Variants in AGBL1 observed in about 807,000 individuals in gnomAD.
AGBL1 encodes AGBL carboxypeptidase 1.
A neutral mutation model predicts 118.9 loss-of-function variants in AGBL1; 130 were observed. That is an observed-to-expected ratio of 1.09 (90% CI 0.95 to 1.26). The LOEUF (loss-of-function observed/expected upper bound fraction) is 1.26. Among genes scored for constraint, AGBL1 ranks in the 50% most tolerant of loss-of-function variants. The pLI is 0.00. For synonymous variants in AGBL1, 555 were observed against 478.9 expected (o/e 1.16, Z -2.08); for missense variants, 1,584 against 1,298.1 (o/e 1.22, Z -3.38).
rs771632108 is a variant in AGBL1, at chr15:86,674,285, G to A, written c.3007G>A (p.Gly1003Ser). 2 of 1,610,828 alleles carry A rather than the reference G, an allele frequency of 1.2e-6. No homozygotes were observed. Among genetic ancestry groups the A allele is most frequent in the Non-Finnish European group, 1.7e-6 (2 of 1,178,340 alleles). ...NQGPYQGLQF[G>S]TRELEEMGAM... The stretch of plus-strand genomic sequence containing the variant: ...GTTTAACTGGCAGGGTCTACAGTTT[G>A]GTACCAGAGAACTGGAGGAGATGGG... Residue 1003 changes from glycine to serine, a missense_variant, in exon 22 of 23, where the codon GGT becomes AGT. By Grantham distance (56) the Gly-to-Ser change is moderately conservative. Coordinates refer to ENST00000614907, the MANE Select transcript of AGBL1 (RefSeq NM_001386094.1).
chr15:87,004,355 T>C (rs1161038315), intron 24 of AGBL1, among the ~76,000 whole-genome samples: 1 of 152,200 alleles, frequency 6.6e-6, no homozygotes, highest in East Asian at 1.9e-4. Context: ...GGACTTTCTT[T>C]ATGAATCTGC....
intron 5 of AGBL1, among the ~76,000 whole-genome samples, chr15:86,187,139 C>A (rs1007565842): frequency 2.6e-5 from 4 of 152,170 alleles, no homozygotes; most frequent in African/African-American, 7.2e-5. Flanking sequence ...CCAACACACA[C>A]CCCCATCCAC....
At chr15:86,853,350 G>C (rs932155344) in intron 22 of AGBL1, among the ~76,000 whole-genome samples, 1 of 152,144 alleles carries the variant, frequency 6.6e-6, no homozygotes, top group Non-Finnish European at 1.5e-5. Context: ...GCAGTAGAGA[G>C]CTAATTACCT....
chr15:86,687,533 G>T, intron 22 of AGBL1, among the ~76,000 whole-genome samples: 1 of 152,160 alleles, frequency 6.6e-6, no homozygotes, highest in Admixed American at 6.6e-5. Flanking sequence ...AGGATAGGAT[G>T]ATTATATGGC....
chr15:86,138,035 C>G (rs1478260835), intron 1 of AGBL1, among the ~76,000 whole-genome samples: 1 of 152,110 alleles, frequency 6.6e-6, no homozygotes, highest in East Asian at 1.9e-4. Context: ...GCAGGCCATT[C>G]CTTAGCTTGA....
At chr15:86,337,822 A>G (rs1309671660) in intron 17 of AGBL1, among the ~76,000 whole-genome samples, 1 of 152,224 alleles carries the variant, frequency 6.6e-6, no homozygotes, top group Non-Finnish European at 1.5e-5. Flanking sequence ...TTACCTGTGT[A>G]ACAAACCTGC....
chr15:86,870,134 C>T (rs2079699308), intron 22 of AGBL1, among the ~76,000 whole-genome samples: 1 of 152,044 alleles, frequency 6.6e-6, no homozygotes, highest in Non-Finnish European at 1.5e-5. Context: ...TATAATTGAA[C>T]AACATGAACT....
chr15:86,798,433 T>G (rs1485197549), intron 22 of AGBL1, among the ~76,000 whole-genome samples: 1 of 152,186 alleles, frequency 6.6e-6, no homozygotes, highest in East Asian at 1.9e-4. Flanking sequence ...TAAAAGAATC[T>G]CTTTATGTTA....
intron 22 of AGBL1, among the ~76,000 whole-genome samples, chr15:86,890,482 G>A (rs2080037653): frequency 6.6e-6 from 1 of 152,094 alleles, no homozygotes; most frequent in Admixed American, 6.5e-5. Flanking sequence ...CCTGTGTCCT[G>A]AATGGTACTG....
Position 86,460,480 on chromosome 15 carries a change from A to G in AGBL1, c.2556-62330A>G, listed in dbSNP as rs574205488. Among the ~76,000 whole-genome samples the G allele has an allele frequency of 2.0e-5, 3 of 152,094 alleles. No homozygotes were observed. The South Asian group carries it at 6.2e-4, about 32-fold the overall frequency. Reference sequence around the variant, plus strand: ...CACTGCACTCCAGTCTGGGCAACACACAGAACAATCCCTTGTGTCTTAAAA... The same window carrying G: ...CACTGCACTCCAGTCTGGGCAACACGCAGAACAATCCCTTGTGTCTTAAAA... On this transcript the variant is annotated intron_variant, in intron 18 of 22. Coordinates refer to ENST00000614907, the MANE Select transcript of AGBL1 (RefSeq NM_001386094.1).
chr15:86,386,660 A>G (rs1404071595), intron 17 of AGBL1, among the ~76,000 whole-genome samples: 1 of 151,954 alleles, frequency 6.6e-6, no homozygotes, highest in Non-Finnish European at 1.5e-5. Flanking sequence ...TTCTAAAATG[A>G]TGATTCCACT....
At chr15:86,539,891 T>C (rs717552) in intron 19 of AGBL1, among the ~76,000 whole-genome samples, 95,716 of 152,060 alleles carry the variant, frequency 0.63, 30,721 homozygotes, top group East Asian at 0.9. Context: ...GCTCTTCTCT[T>C]ATGGTAATAC....
chr15:86,264,972 C>A (rs900042131), intron 11 of AGBL1, 134 bp downstream of exon 11: 2 of 862,146 alleles, frequency 2.3e-6, no homozygotes, highest in South Asian at 2.5e-5. Flanking sequence ...AGCCTGTTGG[C>A]AAACTGGCCA....
chr15:86,264,159 A>C, intron 10 of AGBL1, 99 bp from the exon 11 acceptor site: 1 of 1,019,064 alleles, frequency 9.8e-7, no homozygotes. Context: ...CACAGGATTT[A>C]TGCTTAGCTC....
At chr15:86,513,595 C>G (rs916260844) in intron 18 of AGBL1, among the ~76,000 whole-genome samples, 5 of 152,044 alleles carry the variant, frequency 3.3e-5, no homozygotes, top group African/African-American at 1.2e-4. Flanking sequence ...TACCCACTAA[C>G]TTTAGCTACA....
At chr15:86,503,497 T>C (rs754799664) in intron 18 of AGBL1, among the ~76,000 whole-genome samples, 48 of 151,158 alleles carry the variant, frequency 3.2e-4, no homozygotes, top group Non-Finnish European at 6.4e-4. Flanking sequence ...TCTTTTCTAG[T>C]TTTTTAATAT....
At chr15:86,183,881 G>A (rs1447743330) in intron 5 of AGBL1, among the ~76,000 whole-genome samples, 2 of 152,258 alleles carry the variant, frequency 1.3e-5, no homozygotes, top group Non-Finnish European at 2.9e-5. Context: ...CGTGGAAAAT[G>A]ATCATTCTGA....
intron 22 of AGBL1, among the ~76,000 whole-genome samples, chr15:86,830,457 A>G (rs1186392244): frequency 2.0e-5 from 3 of 152,190 alleles, no homozygotes; most frequent in African/African-American, 7.2e-5. Flanking sequence ...TTCAGTCACC[A>G]GGTGGACAGA....
chr15:86,608,743 A>G (rs2084618438), intron 21 of AGBL1, among the ~76,000 whole-genome samples: 1 of 152,162 alleles, frequency 6.6e-6, no homozygotes, highest in African/African-American at 2.4e-5. Flanking sequence ...TGCATACCAA[A>G]ATGTGGGCTC....
Sources: gnomAD v4.1 joint callset for allele counts (sites outside exome capture counted in the v4.1 genomes callset) on GRCh38, gnomAD v4.1.1 for gene constraint, MANE v1.5 for transcripts, NCBI Gene and HGNC (gene_info 2026-07-23, HGNC 2026-07-21) for gene names.